ETNK1: variants seen among roughly 807,000 people sequenced by gnomAD.
The protein encoded by ETNK1 is ethanolamine kinase 1, also known as putative protein product of Nbla10396.
ETNK1 carries 8 observed loss-of-function variants against 45.1 expected under a neutral mutation model. That is an observed-to-expected ratio of 0.18 (90% CI 0.10 to 0.32). The LOEUF is 0.32. Ranked by LOEUF, ETNK1 falls within the 10% of genes least tolerant of loss-of-function variation. The pLI, the probability that ETNK1 is intolerant of heterozygous loss-of-function variation, is 1.00. For synonymous variants in ETNK1, 152 were observed against 151.9 expected, an observed-to-expected ratio of 1.00 and a Z score of -0.01; for missense variants, 302 against 430.6, an observed-to-expected ratio of 0.70 and a Z score of 2.64.
chr12:22,631,199 A>G (rs981321023), intron 1 of ETNK1, among the ~76,000 whole-genome samples: 2 of 142,474 alleles, frequency 1.4e-5, no homozygotes, highest in African/African-American at 2.6e-5. Flanking sequence ...TTTGAGATGG[A>G]GTTTCGCTCT....
At chr12:22,641,818 C>T (rs1360777443) in intron 1 of ETNK1, among the ~76,000 whole-genome samples, 2 of 151,996 alleles carry the variant, frequency 1.3e-5, no homozygotes, top group Non-Finnish European at 2.9e-5. Flanking sequence ...CGGTTTCTTT[C>T]CAGTTATGTA....
intron 1 of ETNK1, among the ~76,000 whole-genome samples, chr12:22,634,862 T>C (rs10842041): frequency 0.37 from 56,169 of 151,868 alleles, 10,661 homozygotes; most frequent in Non-Finnish European, 0.42. Context: ...GCCCAAATAA[T>C]AATTTTTGAC....
chr12:22,685,383 A>T lies in ETNK1; in HGVS notation c.*429A>T, dbSNP rs1276651657. 1 of 153,156 alleles carries T rather than the reference A, an allele frequency of 6.5e-6. No homozygotes were observed. The highest frequency in any genetic ancestry group is 2.4e-5 in the African/African-American group (1 of 41,472). 9.5% of individuals were successfully genotyped at this position (153,156 alleles called of 1,614,324 possible). On this transcript the variant is annotated 3_prime_UTR_variant, in exon 8 of 8. Coordinates refer to ENST00000266517, the MANE Select transcript of ETNK1 (RefSeq NM_018638.5). ...ATTTCAGTAAACATTCTAGTTGTTCAGTGTAACCTTTTTATCTTGATGCAT... is the reference window on the plus strand; with the variant it reads ...ATTTCAGTAAACATTCTAGTTGTTCTGTGTAACCTTTTTATCTTGATGCAT...
intron 7 of ETNK1, 45 bp from the exon 8 acceptor site, chr12:22,684,837 T>A: frequency 6.7e-7 from 1 of 1,495,866 alleles, no homozygotes; most frequent in Non-Finnish European, 9.2e-7. Flanking sequence ...AGGACCAAGT[T>A]TTTCAGCTTT....
intron 2 of ETNK1, among the ~76,000 whole-genome samples, chr12:22,652,015 C>G (rs965074250): frequency 2.0e-5 from 3 of 152,048 alleles, no homozygotes; most frequent in Admixed American, 1.3e-4. Context: ...AACAAATCTT[C>G]TTTCCTTCCT....
intron 1 of ETNK1, among the ~76,000 whole-genome samples, chr12:22,634,226 T>C (rs979820643): frequency 7.9e-5 from 12 of 152,158 alleles, no homozygotes; most frequent in African/African-American, 2.9e-4. Flanking sequence ...TTTTCTCTTA[T>C]TGAGGTGAAT....
chr12:22,658,490 A>AT (rs1420311698), intron 2 of ETNK1, among the ~76,000 whole-genome samples: 1 of 152,214 alleles, frequency 6.6e-6, no homozygotes, highest in Non-Finnish European at 1.5e-5. Context: ...TCACAGCACC[A>AT]TAACTGTTAA....
chr12:22,646,894 G>T (rs905008219), intron 2 of ETNK1, among the ~76,000 whole-genome samples: 3 of 151,732 alleles, frequency 2.0e-5, no homozygotes, highest in Admixed American at 1.3e-4. Flanking sequence ...CCTAAATATT[G>T]TACAAAGAAG....
At chr12:22,676,184 G>T (rs191804077) in intron 6 of ETNK1, among the ~76,000 whole-genome samples, 3 of 152,048 alleles carry the variant, frequency 2.0e-5, no homozygotes, top group Admixed American at 2.0e-4. Context: ...GACAGGCCCC[G>T]GTGTGTGATG....
intron 6 of ETNK1, among the ~76,000 whole-genome samples, chr12:22,674,550 A>G (rs1954141716): frequency 6.6e-6 from 1 of 152,208 alleles, no homozygotes. Context: ...TCAATTAATG[A>G]CATGCTCTAC....
chr12:22,647,461 C>T (rs774798972), intron 2 of ETNK1, among the ~76,000 whole-genome samples: 2 of 151,792 alleles, frequency 1.3e-5, no homozygotes, highest in Non-Finnish European at 3.0e-5. Context: ...TTTCTGGCAG[C>T]AACAATTAAA....
In ETNK1 at chr12:22,643,749, A is replaced by C. The variant is rs1170569531; in HGVS notation, c.157-14A>C. 1 of 1,568,214 alleles carries C rather than the reference A, an allele frequency of 6.4e-7. No homozygotes were observed. Among genetic ancestry groups the C allele is most frequent in the Non-Finnish European group, 8.7e-7 (1 of 1,155,522 alleles). On this transcript the variant is annotated splice_polypyrimidine_tract_variant and intron_variant, in intron 1 of 7. Transcript: ENST00000266517. ...ATTGCTTTTTTTCCCATTTTTAAAA[A>C]AAATTTTTGGCAGCTCTTCACAGAT...
intron 2 of ETNK1, chr12:22,656,866 T>G: frequency 1.1e-6 from 1 of 902,880 alleles, no homozygotes; most frequent in Non-Finnish European, 1.3e-6. Flanking sequence ...TCAGTAAATA[T>G]TTCTAAGATA....
At chr12:22,627,009 A>G (rs1471250242) in intron 1 of ETNK1, among the ~76,000 whole-genome samples, 1 of 152,198 alleles carries the variant, frequency 6.6e-6, no homozygotes, top group South Asian at 2.1e-4. Context: ...AAAAAGTGCT[A>G]CTTCCTGGTA....
Position 22,684,352 on chromosome 12 carries a change from G to A in ETNK1, c.946-131G>A, listed in dbSNP as rs1429008100. ...CGTCAGTAGGATCTAGGTTTTAGAC[G>A]CTTTATATAAAAAGAACAGCAAGAA... On this transcript the variant is annotated intron_variant, in intron 6 of 7. Transcript: ENST00000266517. 6.2e-6 allele frequency: 4 copies of A among 641,052 alleles called. No homozygotes were observed. In the East Asian group the frequency reaches 1.1e-4, roughly 18 times the overall value. The allele number at this position is 641,052 out of a possible 1,614,324, so 39.7% of individuals were successfully genotyped here.
chr12:22,661,792 AT>A (rs1187001922), intron 4 of ETNK1, among the ~76,000 whole-genome samples: 3 of 152,142 alleles, frequency 2.0e-5, no homozygotes, highest in Non-Finnish European at 4.4e-5. Context: ...TAATTTCAAC[AT>A]TTTTTGAGGT....
chr12:22,672,575 C>T (rs11046533), intron 5 of ETNK1, among the ~76,000 whole-genome samples: 7,134 of 152,144 alleles, frequency 0.047, 546 homozygotes, highest in African/African-American at 0.16. Context: ...GTAATATAGA[C>T]GGCCACTGCC....
intron 4 of ETNK1, among the ~76,000 whole-genome samples, chr12:22,669,224 GTCTT>G: frequency 6.6e-6 from 1 of 151,884 alleles, no homozygotes; most frequent in Non-Finnish European, 1.5e-5. Flanking sequence ...TTGTGTTTTA[GTCTT>G]TTTACTGATA....
At chr12:22,674,050 T>C (rs1954137305) in intron 6 of ETNK1, among the ~76,000 whole-genome samples, 1 of 152,212 alleles carries the variant, frequency 6.6e-6, no homozygotes, top group African/African-American at 2.4e-5. Context: ...TTAGATCTTA[T>C]GTGATAAAAG....
Sources: allele counts gnomAD v4.1 joint callset (sites outside exome capture counted in the v4.1 genomes callset), GRCh38; gene constraint gnomAD v4.1.1; transcripts MANE v1.5; gene names NCBI Gene and HGNC (gene_info 2026-07-23, HGNC 2026-07-21).